Variants in FBXO7 observed in about 807,000 individuals in gnomAD.
FBXO7 encodes F-box only protein 7.
Under a neutral mutation model 50.2 loss-of-function variants are expected in FBXO7, and 31 were observed. The observed-to-expected ratio is 0.62, with a 90% CI of 0.46 to 0.83. The LOEUF is 0.83. FBXO7 is among the 40% of genes least tolerant of loss of function. The pLI, the probability that FBXO7 is intolerant of heterozygous loss-of-function variation, is 0.00. For synonymous variants in FBXO7, 256 were observed against 253.1 expected, an observed-to-expected ratio of 1.01 and a Z score of -0.11; for missense variants, 667 against 646.6, an observed-to-expected ratio of 1.03 and a Z score of -0.34.
chr22:32,493,965 A>G (rs373914525), intron 7 of FBXO7, among the ~76,000 whole-genome samples: 5 of 151,840 alleles, frequency 3.3e-5, no homozygotes, highest in South Asian at 2.1e-4. Flanking sequence ...TTCTATTTCA[A>G]TTATGTATAG....
At chr22:32,478,711 C>T (rs1234955739) in intron 1 of FBXO7, among the ~76,000 whole-genome samples, 1 of 152,034 alleles carries the variant, frequency 6.6e-6, no homozygotes, top group Non-Finnish European at 1.5e-5. Context: ...CAGAGTGAGA[C>T]TCTGTCTCTA....
intron 2 of FBXO7, among the ~76,000 whole-genome samples, chr22:32,482,257 T>A (rs5754110): frequency 1.1e-4 from 16 of 152,002 alleles, no homozygotes; most frequent in Non-Finnish European, 1.6e-4. Context: ...TCATTGGCCT[T>A]TAGGTTTTAA....
chr22:32,498,529 G>A lies in FBXO7; in HGVS notation c.1568G>A (p.Ter523=). 1 of 1,612,224 alleles carries A rather than the reference G, an allele frequency of 6.2e-7. No homozygotes were observed. Among genetic ancestry groups the A allele is most frequent in the South Asian group, 1.1e-5 (1 of 91,048 alleles). The change falls in exon 9 of 9, where the codon TGA becomes TAA. Residue 523 remains the stop codon, a stop_retained_variant. Transcript: ENST00000266087. ...ACTGATGGCCGGCTGTCATTCATGT[G>A]ATTGATTTGTAATTTCATTTCTGGA... ...RPTDGRLSFM[*]
At chr22:32,495,467 C>G in intron 7 of FBXO7, 26 bp from the exon 8 acceptor site, 1 of 1,518,080 alleles carries the variant, frequency 6.6e-7, no homozygotes, top group Admixed American at 1.7e-5. Context: ...GTTTTTAAAT[C>G]CTTATTTTTC....
At chr22:32,480,130 G>A (rs979994198) in intron 2 of FBXO7, among the ~76,000 whole-genome samples, 4 of 152,062 alleles carry the variant, frequency 2.6e-5, no homozygotes, top group African/African-American at 9.7e-5. Flanking sequence ...TTATTCCTCA[G>A]TCTGTTTTCT....
intron 5 of FBXO7, chr22:32,489,675 TAAAG>T (rs2057521941): frequency 6.6e-6 from 1 of 152,146 alleles, no homozygotes; most frequent in Admixed American, 6.5e-5. Context: ...TTCTCTTAAA[TAAAG>T]AAAAATGAAA....
At position 32,498,063 on chromosome 22, in the gene FBXO7, C is replaced by G. The variant is rs976997063; in HGVS notation, c.1183-81C>G. 5 of 1,469,818 alleles carry G rather than the reference C, an allele frequency of 3.4e-6. No homozygotes were observed. The African/African-American group carries it at 7.0e-5, about 20-fold the overall frequency. 91.0% of individuals were successfully genotyped at this position (1,469,818 alleles called of 1,614,324 possible). A position where few individuals can be genotyped will look rare whatever the true frequency, so the allele number is the denominator to read the frequency against. On this transcript the variant is annotated intron_variant, in intron 8 of 8. Transcript: ENST00000266087. Reference sequence around the variant, plus strand: ...TCTGAGGTGTGCCTATAGATCTTTACTATGAAAGCAAATTAGAACTAAAGG... The same window carrying G: ...TCTGAGGTGTGCCTATAGATCTTTAGTATGAAAGCAAATTAGAACTAAAGG...
chr22:32,492,127 G>A (rs962950113), intron 6 of FBXO7: 1 of 152,206 alleles, frequency 6.6e-6, no homozygotes, highest in Non-Finnish European at 1.5e-5. Flanking sequence ...TTATGCGTAG[G>A]AAGTGATTGA....
chr22:32,477,668 C>T (rs184563564), intron 1 of FBXO7, among the ~76,000 whole-genome samples: 82 of 152,266 alleles, frequency 5.4e-4, no homozygotes, highest in African/African-American at 1.9e-3. Context: ...CATAATACTC[C>T]TCTAACTTTT....
intron 2 of FBXO7, among the ~76,000 whole-genome samples, chr22:32,483,146 G>C (rs1469097571): frequency 6.6e-6 from 1 of 152,166 alleles, no homozygotes; most frequent in East Asian, 1.9e-4. Flanking sequence ...GGTGTCACAG[G>C]GATGTTGACT....
At chr22:32,478,514 G>A (rs2057442958) in intron 1 of FBXO7, among the ~76,000 whole-genome samples, 1 of 152,166 alleles carries the variant, frequency 6.6e-6, no homozygotes, top group Non-Finnish European at 1.5e-5. Flanking sequence ...TTAGCCATTA[G>A]AAATCTATAG....
rs376900914 is a variant in FBXO7, at chr22:32,493,075, T to C, written c.968-30T>C. The C allele has an allele frequency of 6.2e-6, 10 of 1,609,218 alleles. No homozygotes were observed. The Admixed American group carries it at 6.7e-5, about 11-fold the overall frequency. On this transcript the variant is annotated intron_variant, in intron 6 of 8. Transcript: ENST00000266087. ...AAGCCAGATGTTCTTTACTCAGTAA[T>C]ACCTGTTACTTCTCTTTTTTTCCTT... is the stretch of plus-strand genomic sequence containing the variant.
At chr22:32,481,804 T>G (rs1213994856) in intron 2 of FBXO7, among the ~76,000 whole-genome samples, 3 of 152,206 alleles carry the variant, frequency 2.0e-5, no homozygotes, top group Non-Finnish European at 4.4e-5. Flanking sequence ...TTAGCTCTCA[T>G]GCATCTTAGT....
rs1456021873 is a variant in FBXO7 at position 32,483,947 on chromosome 22, T to C, written c.468T>C (p.His156=). Residue 156 remains histidine (H), a synonymous_variant, in exon 3 of 9, where the codon CAT becomes CAC. Transcript: ENST00000266087. The part of the protein sequence containing the change: ...FEAESIQDNA[H]MAEGTGFYPS... Reference sequence around the variant, plus strand: ...CTGAGTCAATTCAAGATAATGCGCATATGGCAGAGGGCACAGGTTTCTATC... The same window carrying C: ...CTGAGTCAATTCAAGATAATGCGCACATGGCAGAGGGCACAGGTTTCTATC... The C allele has an allele frequency of 1.2e-6, 2 of 1,614,070 alleles. No individual in the cohort carries two copies. The highest frequency in any genetic ancestry group is 1.7e-6 in the Non-Finnish European group (2 of 1,180,014).
At chr22:32,488,857 C>G (rs1452304344) in intron 5 of FBXO7, 1 of 152,280 alleles carries the variant, frequency 6.6e-6, no homozygotes, top group East Asian at 1.9e-4. Flanking sequence ...TTTCGCCAGG[C>G]TGGAGTGCCG....
At chr22:32,487,032 TTGA>T (rs3838156) in intron 4 of FBXO7, among the ~76,000 whole-genome samples, 20,283 of 152,224 alleles carry the variant, frequency 0.13, 1,941 homozygotes, top group East Asian at 0.46. Context: ...GCTGAATGTC[TTGA>T]TGATTTCCTA....
intron 2 of FBXO7, among the ~76,000 whole-genome samples, chr22:32,479,993 G>A (rs1474292296): frequency 1.3e-5 from 2 of 152,152 alleles, no homozygotes; most frequent in Admixed American, 6.5e-5. Flanking sequence ...CATAAATTTG[G>A]AAATATGTGT....
rs1199998875 is a variant in FBXO7 at position 32,475,130 on chromosome 22, C to CT, written c.122+7dup. On this transcript the variant is annotated splice_region_variant and intron_variant, in intron 1 of 8. Coordinates refer to ENST00000266087, the MANE Select transcript of FBXO7 (RefSeq NM_012179.4). ...CTGTGCACCTGGGGGTACAGGTACG[C>CT]TGGGGCCGGGGCTGGGCGGCCCGCG... The CT allele has an allele frequency of 6.6e-7, 1 of 1,507,112 alleles. No individual in the cohort carries two copies. The allele number at this position is 1,507,112 out of a possible 1,614,324, so 93.4% of individuals were successfully genotyped here. A position where few individuals can be genotyped will look rare whatever the true frequency, so the allele number is the denominator to read the frequency against.
intron 2 of FBXO7, 126 bp downstream of exon 2, chr22:32,479,401 C>CTTTTTTTTTTTTTTTTTTTTTTTTT (rs5845002): frequency 3.7e-6 from 2 of 543,024 alleles, no homozygotes; most frequent in African/African-American, 4.4e-5. Flanking sequence ...ATATTTTTTT[C>CTTTTTTTTTTTTTTTTTTTTTTTTT]TTTTTTTTTT....
Sources: gnomAD v4.1 joint callset for allele counts (sites outside exome capture counted in the v4.1 genomes callset) on GRCh38, gnomAD v4.1.1 for gene constraint, MANE v1.5 for transcripts, NCBI Gene and HGNC (gene_info 2026-07-23, HGNC 2026-07-21) for gene names.